The following CFAP36 variants were observed in gnomAD, a reference collection of about 807,000 sequenced individuals.
The protein encoded by CFAP36 is cilia- and flagella-associated protein 36.
Under a neutral mutation model 50.5 loss-of-function variants are expected in CFAP36, and 37 were observed. That is an observed-to-expected ratio of 0.73 (90% CI 0.56 to 0.96). The LOEUF (loss-of-function observed/expected upper bound fraction) is 0.96. CFAP36 is among the 50% of genes least tolerant of loss of function. The probability of loss-of-function intolerance (pLI) is 0.00; values close to 1 mark genes in which losing one functional copy is unlikely to be tolerated. For missense variants in CFAP36, 407 were observed against 396.2 expected (o/e 1.03, Z -0.23); for synonymous variants, 138 against 128.2 (o/e 1.08, Z -0.52).
At chr2:55,520,529 AC>A in intron 1 of CFAP36, 1 of 1,419,814 alleles carries the variant, frequency 7.0e-7, no homozygotes, top group Non-Finnish European at 9.5e-7. Context: ...GTGGGGCAGG[AC>A]CATTCTTGGA....
At chr2:55,544,466 C>T in intron 9 of CFAP36, 97 bp downstream of exon 9, 2 of 1,228,438 alleles carry the variant, frequency 1.6e-6, no homozygotes, top group South Asian at 3.2e-5. Context: ...ATTTTGCTTG[C>T]AGACCCATTC....
chr2:55,526,701 C>T (rs113655364), intron 3 of CFAP36, among the ~76,000 whole-genome samples: 73 of 152,186 alleles, frequency 4.8e-4, no homozygotes, highest in African/African-American at 1.7e-3. Flanking sequence ...CCTCACCCTC[C>T]CAAAGCTCTG....
intron 2 of CFAP36, among the ~76,000 whole-genome samples, chr2:55,522,400 A>G (rs966188116): frequency 2.0e-5 from 3 of 152,190 alleles, no homozygotes; most frequent in Non-Finnish European, 4.4e-5. Context: ...GGGTTCTTGC[A>G]TGTATTCTTT....
rs546074975 is a variant in CFAP36 at position 55,535,182 on chromosome 2, T to C, written c.486-530T>C. Among the ~76,000 whole-genome samples, 68 of 152,354 alleles carry C rather than the reference T, an allele frequency of 4.5e-4. 1 individual carries two copies. The highest frequency in any genetic ancestry group is 1.6e-3 in the African/African-American group (67 of 41,594). On this transcript the variant is annotated intron_variant, in intron 5 of 9. Transcript: ENST00000349456. The stretch of plus-strand genomic sequence containing the variant: ...CTGTGTAAGTAATAGAACTTAGTTA[T>C]GAACATGTATAACAGTTGACCTTGG...
At chr2:55,536,732 T>G (rs774764443) in intron 6 of CFAP36, among the ~76,000 whole-genome samples, 5 of 151,382 alleles carry the variant, frequency 3.3e-5, no homozygotes, top group Non-Finnish European at 7.4e-5. Flanking sequence ...TTTTTATACT[T>G]CTTAATATAT....
In CFAP36 at chr2:55,533,979, T is replaced by C. The variant is rs766193873; in HGVS notation, c.485+19T>C. ...TTCTTAGGTACCATTCTTTAATTGTTTTTTAAATGAATCATTATTAATATT... is the reference window on the plus strand; with the variant it reads ...TTCTTAGGTACCATTCTTTAATTGTCTTTTAAATGAATCATTATTAATATT... On this transcript the variant is annotated intron_variant, in intron 5 of 9. Transcript: ENST00000349456. 19 of 1,423,704 alleles carry C rather than the reference T, an allele frequency of 1.3e-5. No individual in the cohort carries two copies. In the South Asian group the frequency reaches 2.1e-4, roughly 16 times the overall value. The allele number at this position is 1,423,704 out of a possible 1,614,324, so 88.2% of individuals were successfully genotyped here.
rs746973603 is a variant in CFAP36 at position 55,519,945 on chromosome 2, CT to C, written c.115+33del. On this transcript the variant is annotated intron_variant, in intron 1 of 9. Coordinates refer to ENST00000349456, the MANE Select transcript of CFAP36 (RefSeq NM_080667.7). ...AAAACCAGAGCCCGAACCGACAATC[CT>C]TTTCTCCTCTCTCACACCAGCGGCG... 4 of 1,599,670 alleles carry C rather than the reference CT, an allele frequency of 2.5e-6. No individual in the cohort carries two copies. In the African/African-American group the frequency reaches 5.4e-5, roughly 21 times the overall value.
chr2:55,542,653 C>G (rs891061928), intron 7 of CFAP36, among the ~76,000 whole-genome samples: 5 of 152,090 alleles, frequency 3.3e-5, no homozygotes, highest in Non-Finnish European at 7.4e-5. Context: ...TTAACAAACC[C>G]AAGGCAAGAA....
At position 55,543,056 on chromosome 2, in the gene CFAP36, G is replaced by A. The variant is rs1684679007; in HGVS notation, c.641-882G>A. Among the ~76,000 whole-genome samples, 3 of 76,100 alleles carry A rather than the reference G, an allele frequency of 3.9e-5. No homozygotes were observed. In the South Asian group the frequency reaches 1.3e-3, roughly 33 times the overall value. The allele number at this position is 76,100 out of a possible 152,430, so 49.9% of individuals were successfully genotyped here. A position where few individuals can be genotyped will look rare whatever the true frequency, so the allele number is the denominator to read the frequency against. On this transcript the variant is annotated intron_variant, in intron 7 of 9. Transcript: ENST00000349456. The stretch of plus-strand genomic sequence containing the variant: ...TGTTTTCTGTTTTAGTATGTATGCT[G>A]GCAAGGTATTTTTTTTTTTTAACTG...
At chr2:55,527,119 A>G (rs920258411) in intron 3 of CFAP36, among the ~76,000 whole-genome samples, 7 of 152,198 alleles carry the variant, frequency 4.6e-5, no homozygotes, top group African/African-American at 9.6e-5. Context: ...AGACATAACA[A>G]TCTTTAATAT....
At chr2:55,540,697 C>T (rs769204020) in intron 7 of CFAP36, among the ~76,000 whole-genome samples, 3 of 152,148 alleles carry the variant, frequency 2.0e-5, no homozygotes, top group Non-Finnish European at 4.4e-5. Context: ...GACATCTTGA[C>T]ATTGAGTTTT....
At chr2:55,539,818 G>A (rs1684587349) in intron 7 of CFAP36, among the ~76,000 whole-genome samples, 1 of 152,208 alleles carries the variant, frequency 6.6e-6, no homozygotes, top group Non-Finnish European at 1.5e-5. Context: ...TCTAGTAGGT[G>A]TGTAGTGGTA....
intron 4 of CFAP36, among the ~76,000 whole-genome samples, chr2:55,529,196 C>G (rs1167662106): frequency 6.6e-6 from 1 of 151,954 alleles, no homozygotes; most frequent in Non-Finnish European, 1.5e-5. Context: ...CTGAGGCGGG[C>G]AGACCATGAG....
intron 4 of CFAP36, among the ~76,000 whole-genome samples, chr2:55,529,278 T>C (rs1216683304): frequency 1.3e-5 from 2 of 151,800 alleles, no homozygotes; most frequent in Non-Finnish European, 2.9e-5. Context: ...AAAAATTAGC[T>C]GGGCGTGGTG....
At position 55,528,991 on chromosome 2, in the gene CFAP36, T is replaced by A; in HGVS notation, c.396T>A (p.Asn132Lys). The change falls in exon 4 of 10, where the codon AAT (asparagine) becomes AAA (lysine). Residue 132 changes from asparagine (N) to lysine (K), a missense_variant and splice_region_variant. Transcript: ENST00000349456. ...LQAIRIIQER[N>K]GVLPDCLTDG... ...CCATTCGAATAATTCAAGAGAGAAA[T>A]GGTAAAATGTTGAAGTTAGAAATCT... 6.3e-7 allele frequency: 1 copy of A among 1,595,878 alleles called. No homozygotes were observed. Among genetic ancestry groups the A allele is most frequent in the South Asian group, 1.1e-5 (1 of 87,546 alleles).
chr2:55,529,009 A>T lies in CFAP36; in HGVS notation c.397+17A>T. The T allele has an allele frequency of 1.3e-6, 2 of 1,551,418 alleles. No individual in the cohort carries two copies. Among genetic ancestry groups the T allele is most frequent in the Non-Finnish European group, 1.8e-6 (2 of 1,131,172 alleles). On this transcript the variant is annotated intron_variant, in intron 4 of 9. Coordinates refer to ENST00000349456, the MANE Select transcript of CFAP36 (RefSeq NM_080667.7). ...AGAGAAATGGTAAAATGTTGAAGTT[A>T]GAAATCTAAGTACTAAATGCATTTT...
At chr2:55,537,730 T>A (rs1684529408) in intron 7 of CFAP36, 145 bp downstream of exon 7, 1 of 610,634 alleles carries the variant, frequency 1.6e-6, no homozygotes, top group Admixed American at 3.4e-5. Flanking sequence ...TCTTTGTGAA[T>A]TTGGTTAAAG....
Position 55,521,593 on chromosome 2 carries a change from A to ATGTGTGTG in CFAP36, c.116-508_116-507insGTGTGTGT, listed in dbSNP as rs72277001. Among the ~76,000 whole-genome samples, 733 of 147,488 alleles carry ATGTGTGTG rather than the reference A, an allele frequency of 5.0e-3. 5 individuals carry two copies. The highest frequency in any genetic ancestry group is 9.6e-3 in the African/African-American group (388 of 40,514). On this transcript the variant is annotated intron_variant, in intron 1 of 9. Transcript: ENST00000349456. ...AAAGCTTGTTTACAATTAATAGTAT[A>ATGTGTGTG]TATGTGTGTGTGTGTGTGTGTGTGT...
At chr2:55,526,554 G>T (rs186173871) in intron 3 of CFAP36, among the ~76,000 whole-genome samples, 1 of 152,148 alleles carries the variant, frequency 6.6e-6, no homozygotes, top group Non-Finnish European at 1.5e-5. Flanking sequence ...TGAATCTCCT[G>T]CCTCAGCCTC....
Sources: allele counts gnomAD v4.1 joint callset (sites outside exome capture counted in the v4.1 genomes callset), GRCh38; gene constraint gnomAD v4.1.1; transcripts MANE v1.5; gene names NCBI Gene and HGNC (gene_info 2026-07-23, HGNC 2026-07-21).